ITGA4: variants seen among roughly 807,000 people sequenced by gnomAD.
ITGA4 encodes the protein integrin subunit alpha 4.
Under a neutral mutation model 133.6 loss-of-function variants are expected in ITGA4, and 63 were observed. That is an observed-to-expected ratio of 0.47 (90% CI 0.38 to 0.58). The LOEUF is 0.58. Ranked by LOEUF, ITGA4 falls within the 20% of genes least tolerant of loss-of-function variation. The pLI, the probability that ITGA4 is intolerant of heterozygous loss-of-function variation, is 0.00. For synonymous variants in ITGA4, 483 were observed against 438.0 expected (o/e 1.10, Z -1.28); for missense variants, 1,076 against 1,252.7 (o/e 0.86, Z 2.13).
At chr2:181,515,556 A>G (rs1043648886) in intron 17 of ITGA4, among the ~76,000 whole-genome samples, 1 of 152,076 alleles carries the variant, frequency 6.6e-6, no homozygotes, top group African/African-American at 2.4e-5. Flanking sequence ...CAGTCTTACA[A>G]GGTTTGAAGT....
chr2:181,503,436 A>G (rs1242765673), intron 15 of ITGA4, among the ~76,000 whole-genome samples: 2 of 151,920 alleles, frequency 1.3e-5, no homozygotes, highest in South Asian at 4.1e-4. Flanking sequence ...CTATGTTTTC[A>G]TTTATCCGGT....
intron 4 of ITGA4, chr2:181,475,824 C>T (rs998811720): frequency 2.5e-6 from 4 of 1,601,806 alleles, no homozygotes; most frequent in Non-Finnish European, 3.4e-6. Flanking sequence ...CTATAGGTAG[C>T]ATCAGCAAGT....
At position 181,538,855 on chromosome 2, in the gene ITGA4, C is replaced by G. The variant is rs981438117; in HGVS notation, c.*3328C>G. Among the ~76,000 whole-genome samples the G allele has an allele frequency of 1.1e-4, 17 of 152,078 alleles. No homozygotes were observed. The highest frequency in any genetic ancestry group is 2.7e-4 in the African/African-American group (11 of 41,422). ...TTATGCACAACAATAAATTAGAAAG[C>G]CAATGTAGACACGCATAACCAAAGA... On this transcript the variant is annotated 3_prime_UTR_variant, in exon 28 of 28. Coordinates refer to ENST00000397033, the MANE Select transcript of ITGA4 (RefSeq NM_000885.6).
rs770422465 is a variant in ITGA4 at position 181,537,216 on chromosome 2, G to A, written c.*1689G>A. ...AAAAATCAAGCCCCGATTTAGAACT[G>A]TCTTCTCCAGGATGGTCTCTAAGGA... On this transcript the variant is annotated 3_prime_UTR_variant, in exon 28 of 28. Coordinates refer to ENST00000397033, the MANE Select transcript of ITGA4 (RefSeq NM_000885.6). 1 of 453,008 alleles carries A rather than the reference G, an allele frequency of 2.2e-6. No individual in the cohort carries two copies. Among genetic ancestry groups the A allele is most frequent in the South Asian group, 1.6e-5 (1 of 64,464 alleles). The allele number at this position is 453,008 out of a possible 1,614,324, so 28.1% of individuals were successfully genotyped here. A position where few individuals can be genotyped will look rare whatever the true frequency, so the allele number is the denominator to read the frequency against.
intron 10 of ITGA4, among the ~76,000 whole-genome samples, chr2:181,490,556 A>G (rs1194443517): frequency 1.3e-5 from 2 of 151,206 alleles, no homozygotes; most frequent in African/African-American, 4.9e-5. Flanking sequence ...CCTCTTTGAC[A>G]CAGAACAGGA....
At chr2:181,533,373 T>C (rs529568762) in intron 25 of ITGA4, among the ~76,000 whole-genome samples, 1 of 152,366 alleles carries the variant, frequency 6.6e-6, no homozygotes, top group South Asian at 2.1e-4. Flanking sequence ...GCAAAGTCAT[T>C]GAACCATCAG....
chr2:181,469,957 C>T (rs13029144), intron 2 of ITGA4, among the ~76,000 whole-genome samples: 85,883 of 151,646 alleles, frequency 0.57, 24,666 homozygotes, highest in South Asian at 0.61. Context: ...GGAGATATAC[C>T]TAATGTAAAT....
chr2:181,496,906 G>A (rs1686169078), intron 14 of ITGA4, among the ~76,000 whole-genome samples: 1 of 152,082 alleles, frequency 6.6e-6, no homozygotes, highest in African/African-American at 2.4e-5. Context: ...ATTAAATAAT[G>A]CCATGGATAT....
chr2:181,509,526 G>T, intron 15 of ITGA4, 132 bp from the exon 16 acceptor site: 6 of 495,462 alleles, frequency 1.2e-5, no homozygotes, highest in Admixed American at 4.0e-5. Flanking sequence ...TTTTTTTAAC[G>T]GTTTAGATAA....
chr2:181,522,855 A>C (rs1686748537), intron 18 of ITGA4, among the ~76,000 whole-genome samples: 1 of 152,198 alleles, frequency 6.6e-6, no homozygotes, highest in African/African-American at 2.4e-5. Context: ...CGCTACTTGC[A>C]AAAGTAACAG....
chr2:181,535,014 G>A, intron 27 of ITGA4, 79 bp downstream of exon 27: 1 of 1,423,498 alleles, frequency 7.0e-7, no homozygotes, highest in Non-Finnish European at 9.3e-7. Flanking sequence ...CAAGTTATTA[G>A]ATTTAAATAT....
intron 17 of ITGA4, among the ~76,000 whole-genome samples, chr2:181,512,285 C>T (rs772481362): frequency 1.1e-4 from 16 of 152,016 alleles, no homozygotes; most frequent in Non-Finnish European, 2.4e-4. Context: ...GAAGAAGATG[C>T]ATCAGTGACA....
Position 181,536,838 on chromosome 2 carries a change from G to T in ITGA4, c.*1311G>T. On this transcript the variant is annotated 3_prime_UTR_variant, in exon 28 of 28. Transcript: ENST00000397033. ...GCAGAATATCATTTTATCTGACTCT[G>T]CCTTCATAAGAGAGCTGTGGCCGAA... 1 of 386,542 alleles carries T rather than the reference G, an allele frequency of 2.6e-6. No homozygotes were observed. The allele number at this position is 386,542 out of a possible 1,614,324, so 23.9% of individuals were successfully genotyped here.
rs2105777971 is a variant in ITGA4, at chr2:181,536,533, CTT to C, written c.*1008_*1009del. 1 of 76,166 alleles carries C rather than the reference CTT, an allele frequency of 1.3e-5. No individual in the cohort carries two copies. Among genetic ancestry groups the C allele is most frequent in the African/African-American group, 5.4e-5 (1 of 18,526 alleles). The allele number at this position is 76,166 out of a possible 1,614,324, so 4.7% of individuals were successfully genotyped here. ...CACAACTATTTCCTTGGATGTAATT[CTT>C]TGTTACCCTTTACAAGTATAAGTGT... On this transcript the variant is annotated 3_prime_UTR_variant, in exon 28 of 28. Transcript: ENST00000397033.
intron 15 of ITGA4, among the ~76,000 whole-genome samples, chr2:181,503,189 C>T (rs1686317671): frequency 6.6e-6 from 1 of 152,052 alleles, no homozygotes; most frequent in African/African-American, 2.4e-5. Context: ...CTTTGATTAC[C>T]TTATGCAAAC....
intron 10 of ITGA4, among the ~76,000 whole-genome samples, chr2:181,492,800 G>T (rs935692538): frequency 6.6e-6 from 1 of 152,088 alleles, no homozygotes; most frequent in African/African-American, 2.4e-5. Flanking sequence ...ATTGGAATAG[G>T]AATTAAAAGT....
At chr2:181,503,112 A>G (rs1686315344) in intron 15 of ITGA4, among the ~76,000 whole-genome samples, 1 of 152,096 alleles carries the variant, frequency 6.6e-6, no homozygotes, top group Non-Finnish European at 1.5e-5. Context: ...ATTATAAAAT[A>G]CAAAAGCCCT....
At chr2:181,504,993 T>A (rs1319385740) in intron 15 of ITGA4, among the ~76,000 whole-genome samples, 3 of 151,878 alleles carry the variant, frequency 2.0e-5, no homozygotes, top group Non-Finnish European at 4.4e-5. Flanking sequence ...AGCTTTTCCT[T>A]CCCGAGCCCT....
chr2:181,513,003 A>G (rs557069169), intron 17 of ITGA4, among the ~76,000 whole-genome samples: 1 of 152,236 alleles, frequency 6.6e-6, no homozygotes, highest in South Asian at 2.1e-4. Context: ...TCCATACTTG[A>G]ATTCCACTCT....
Sources: allele counts gnomAD v4.1 joint callset (sites outside exome capture counted in the v4.1 genomes callset), GRCh38; gene constraint gnomAD v4.1.1; transcripts MANE v1.5; gene names NCBI Gene and HGNC (gene_info 2026-07-23, HGNC 2026-07-21).